DGKH: variants seen among roughly 807,000 people sequenced by gnomAD.
DGKH encodes diacylglycerol kinase eta.
In DGKH, 90 loss-of-function variants were observed where a neutral mutation model predicts 159.3. That is an observed-to-expected ratio of 0.57 (90% CI 0.48 to 0.67). DGKH has a LOEUF of 0.67. DGKH is among the 30% of genes least tolerant of loss of function. DGKH has a pLI of 0.00. For synonymous variants in DGKH, 536 were observed against 553.8 expected, an observed-to-expected ratio of 0.97 and a Z score of 0.45; for missense variants, 1,181 against 1,506.1, an observed-to-expected ratio of 0.78 and a Z score of 3.57.
chr13:42,064,738 G>C (rs1366139757), intron 1 of DGKH, among the ~76,000 whole-genome samples: 1 of 152,182 alleles, frequency 6.6e-6, no homozygotes, highest in Non-Finnish European at 1.5e-5. Context: ...CATTAGAGAT[G>C]CGTTAATAAC....
Position 42,048,737 on chromosome 13 carries a change from G to T in DGKH, c.-37G>T, listed in dbSNP as rs572468234. On this transcript the variant is annotated 5_prime_UTR_variant, in exon 1 of 30. Coordinates refer to ENST00000337343, the MANE Select transcript of DGKH (RefSeq NM_178009.5). The surrounding 1 kb of genome is among the most constrained non-coding windows in gnomAD (Gnocchi z 6.7). ...CCCGCTGACCAACGCCGCCGCCCCC[G>T]CCGGGCGGTGCTGTGTCCCCGCAGG... 4.1e-4 allele frequency: 511 copies of T among 1,245,756 alleles called. 1 individual carries two copies. The highest frequency in any genetic ancestry group is 7.1e-4 in the East Asian group (22 of 30,972). The allele number at this position is 1,245,756 out of a possible 1,614,324, so 77.2% of individuals were successfully genotyped here. A position where few individuals can be genotyped will look rare whatever the true frequency, so the allele number is the denominator to read the frequency against.
intron 1 of DGKH, among the ~76,000 whole-genome samples, chr13:42,084,553 T>C (rs941278476): frequency 2.0e-5 from 3 of 152,178 alleles, no homozygotes; most frequent in African/African-American, 2.4e-5. Flanking sequence ...TTATATAGAG[T>C]TAACCTTAGT....
intron 1 of DGKH, among the ~76,000 whole-genome samples, chr13:42,125,720 A>T (rs1955156486): frequency 6.6e-6 from 1 of 152,250 alleles, no homozygotes; most frequent in Admixed American, 6.5e-5. Flanking sequence ...CTTATTGGAG[A>T]CAACAAACTT....
chr13:42,199,648 A>G lies in DGKH; in HGVS notation c.2368A>G (p.Lys790Glu), dbSNP rs1444237954. ...AAAAATTTCATTAGAATTTAATAAT[A>G]AAAGAGAGGAGCACCCTGAAAAATG... ...DAKISLEFNN[K>E]REEHPEKCRS... The change falls in exon 19 of 30, where the codon AAA (lysine) becomes GAA (glutamate). Residue 790 changes from lysine to glutamate, a missense_variant. Around this residue, in one of 5 missense-constraint regions of DGKH, gnomAD observed 335 missense variants for 495.2 expected, o/e 0.68. Coordinates refer to ENST00000337343, the MANE Select transcript of DGKH (RefSeq NM_178009.5). 2 of 1,604,068 alleles carry G rather than the reference A, an allele frequency of 1.2e-6. No individual in the cohort carries two copies. The highest frequency in any genetic ancestry group is 1.7e-6 in the Non-Finnish European group (2 of 1,176,764).
chr13:42,048,988 G>C lies in DGKH; in HGVS notation c.192+23G>C. 7.9e-7 allele frequency: 1 copy of C among 1,268,914 alleles called. No individual in the cohort carries two copies. The highest frequency in any genetic ancestry group is 1.0e-6 in the Non-Finnish European group (1 of 999,342). 78.6% of individuals were successfully genotyped at this position (1,268,914 alleles called of 1,614,324 possible). ...AAGGTAGGGCGGAGGAGGCGGGCCTGAGGGCCGCGTGGAAAGCGGGAGGTG... is the reference window on the plus strand; with the variant it reads ...AAGGTAGGGCGGAGGAGGCGGGCCTCAGGGCCGCGTGGAAAGCGGGAGGTG... On this transcript the variant is annotated intron_variant, in intron 1 of 29. Coordinates refer to ENST00000337343, the MANE Select transcript of DGKH (RefSeq NM_178009.5). The surrounding 1 kb of genome is among the most constrained non-coding windows in gnomAD (Gnocchi z 6.7).
intron 1 of DGKH, among the ~76,000 whole-genome samples, chr13:42,065,079 C>T (rs1426388900): frequency 6.6e-6 from 1 of 152,120 alleles, no homozygotes; most frequent in African/African-American, 2.4e-5. Flanking sequence ...ATGCCAATTA[C>T]GTATTCAGGA....
At chr13:42,215,432 A>G in intron 25 of DGKH, 143 bp from the exon 26 acceptor site, 1 of 558,306 alleles carries the variant, frequency 1.8e-6, no homozygotes, top group Non-Finnish European at 3.1e-6. Flanking sequence ...AAACAAATGT[A>G]TGAAACTTTG....
At chr13:42,194,206 C>G (rs1239413802) in intron 16 of DGKH, among the ~76,000 whole-genome samples, 2 of 152,180 alleles carry the variant, frequency 1.3e-5, no homozygotes, top group African/African-American at 4.8e-5. Flanking sequence ...GTGATGTGAT[C>G]ATAGCTCACT....
chr13:42,166,419 A>G, intron 8 of DGKH, 96 bp from the exon 9 acceptor site: 1 of 1,141,072 alleles, frequency 8.8e-7, no homozygotes, highest in Non-Finnish European at 1.2e-6. Flanking sequence ...TTAATGCTCC[A>G]GTTTTTATGA....
rs188448122 is a variant in DGKH, at chr13:42,221,794, A to G, written c.3573+400A>G. On this transcript the variant is annotated intron_variant, in intron 29 of 29. Transcript: ENST00000337343. ...AACTAAAAATTAATGCAAAATACCAATAACAAAGCCTTTCTAACATATGGA... is the reference window on the plus strand; with the variant it reads ...AACTAAAAATTAATGCAAAATACCAGTAACAAAGCCTTTCTAACATATGGA... Among the ~76,000 whole-genome samples, 227 of 152,348 alleles carry G rather than the reference A, an allele frequency of 1.5e-3. 7 individuals are homozygous for G. Among genetic ancestry groups the G allele is most frequent in the Non-Finnish European group, 3.2e-4 (22 of 68,040 alleles).
intron 1 of DGKH, among the ~76,000 whole-genome samples, chr13:42,098,674 A>G (rs1954593478): frequency 6.6e-6 from 1 of 152,138 alleles, no homozygotes; most frequent in African/African-American, 2.4e-5. Context: ...GATCTAAATG[A>G]TGCAGTGAAT....
At chr13:42,254,345 T>C (rs1368337931) in intron 30 of DGKH, among the ~76,000 whole-genome samples, 1 of 152,172 alleles carries the variant, frequency 6.6e-6, no homozygotes, top group African/African-American at 2.4e-5. Context: ...AATGGATATA[T>C]GGCCAGGTGT....
rs1839432127 is a variant in DGKH at position 42,188,666 on chromosome 13, A to T, written c.1639-370A>T. 3.3e-5 allele frequency among the ~76,000 whole-genome samples: 5 copies of T among 152,208 alleles called. No homozygotes were observed. The South Asian group carries it at 1.0e-3, about 32-fold the overall frequency. Reference sequence around the variant, plus strand: ...AATGTCTGTTGTGTTATTTTGAGAAAAATAGCTGTATAAATATTATAAAGA... The same window carrying T: ...AATGTCTGTTGTGTTATTTTGAGAATAATAGCTGTATAAATATTATAAAGA... On this transcript the variant is annotated intron_variant, in intron 14 of 29. Coordinates refer to ENST00000337343, the MANE Select transcript of DGKH (RefSeq NM_178009.5).
At chr13:42,178,797 G>A (rs987914374) in intron 13 of DGKH, among the ~76,000 whole-genome samples, 1 of 152,184 alleles carries the variant, frequency 6.6e-6, no homozygotes, top group Non-Finnish European at 1.5e-5. Context: ...CTATGCTGAT[G>A]TCAAGAGACT....
At chr13:42,048,597 C>G (rs1006717832), upstream of DGKH, among the ~76,000 whole-genome samples, 1 of 152,218 alleles carries the variant, frequency 6.6e-6, no homozygotes, top group East Asian at 1.9e-4. The surrounding 1 kb of genome is among the most constrained non-coding windows in gnomAD (Gnocchi z 6.7). Flanking sequence ...GGGTGGACCC[C>G]TGCCTGGAGG....
Position 42,048,816 on chromosome 13 carries a change from G to A in DGKH, c.43G>A (p.Gly15Arg), listed in dbSNP as rs538132992. Residue 15 changes from glycine to arginine, a missense_variant, in exon 1 of 30, where the codon GGA (glycine) becomes AGA (arginine). By Grantham distance (125) the Gly-to-Arg change is moderately radical. Coordinates refer to ENST00000337343, the MANE Select transcript of DGKH (RefSeq NM_178009.5). This position sits in a 1 kb window ranked among gnomAD's most constrained non-coding sequence, Gnocchi z 6.7. ...CCAGCACCACCCTCCGGGCGCCGCT[G>A]GAGGAGCGGCCGCCGGAGCCGGCGC... ...GGQHHPPGAA[G>R]GAAAGAGAAV... 1.5e-6 allele frequency: 2 copies of A among 1,331,160 alleles called. No homozygotes were observed. The highest frequency in any genetic ancestry group is 3.1e-5 in the East Asian group (1 of 32,732). 82.5% of individuals were successfully genotyped at this position (1,331,160 alleles called of 1,614,324 possible). A position where few individuals can be genotyped will look rare whatever the true frequency, so the allele number is the denominator to read the frequency against.
At chr13:42,177,564 G>GAC (rs1335205484) in intron 12 of DGKH, among the ~76,000 whole-genome samples, 10 of 152,208 alleles carry the variant, frequency 6.6e-5, no homozygotes, top group Non-Finnish European at 1.5e-4. Flanking sequence ...AGCTTTAAGA[G>GAC]ACACTATCAA....
chr13:42,112,735 A>G (rs1011532967), intron 1 of DGKH, among the ~76,000 whole-genome samples: 1 of 152,206 alleles, frequency 6.6e-6, no homozygotes, highest in Non-Finnish European at 1.5e-5. Flanking sequence ...CCTCACCGCC[A>G]TTCTCCTGTA....
chr13:42,185,114 G>A (rs927018579), intron 13 of DGKH, among the ~76,000 whole-genome samples: 1 of 151,924 alleles, frequency 6.6e-6, no homozygotes, highest in Non-Finnish European at 1.5e-5. Context: ...CACGTTTCTG[G>A]TTGGTAGGAC....
Sources: allele counts gnomAD v4.1 joint callset (sites outside exome capture counted in the v4.1 genomes callset), GRCh38; gene constraint gnomAD v4.1.1; regional missense constraint gnomAD v4.1.1; non-coding constraint Gnocchi (gnomAD v3.1); transcripts MANE v1.5; gene names NCBI Gene and HGNC (gene_info 2026-07-23, HGNC 2026-07-21).